The following ADSS2 variants were observed in gnomAD, a reference collection of about 807,000 sequenced individuals.
ADSS2 encodes adenylosuccinate synthase 2.
ADSS2 carries 30 observed loss-of-function variants against 60.0 expected under a neutral mutation model. The ratio of observed to expected loss-of-function variants is 0.50; its 90% CI spans 0.37 to 0.68. The LOEUF is 0.68. ADSS2 is among the 30% of genes least tolerant of loss of function. The pLI, the probability that ADSS2 is intolerant of heterozygous loss-of-function variation, is 0.00. For missense variants in ADSS2, 373 were observed against 554.8 expected (o/e 0.67, Z 3.29); for synonymous variants, 187 against 193.1 (o/e 0.97, Z 0.26).
chr1:244,448,615 G>A (rs769509597), intron 1 of ADSS2, among the ~76,000 whole-genome samples: 1 of 152,118 alleles, frequency 6.6e-6, no homozygotes, highest in Non-Finnish European at 1.5e-5. Context: ...TTAAAGCCTG[G>A]TATAAACTAC....
intron 12 of ADSS2, among the ~76,000 whole-genome samples, 170 bp from the exon 13 acceptor site, chr1:244,409,808 A>T (rs1422324856): frequency 2.6e-5 from 4 of 152,064 alleles, no homozygotes; most frequent in Non-Finnish European, 4.4e-5. Context: ...TCTAAACAGG[A>T]TGTACAAATA....
chr1:244,445,276 TTAC>T (rs1430856322), intron 1 of ADSS2, among the ~76,000 whole-genome samples: 1 of 152,178 alleles, frequency 6.6e-6, no homozygotes, highest in Non-Finnish European at 1.5e-5. Context: ...CAAAAAAAAC[TTAC>T]TACAACATAA....
Position 244,408,502 on chromosome 1 carries a change from A to C in ADSS2, c.*1084T>G, listed in dbSNP as rs1664334298. 6.6e-6 allele frequency: 1 copy of C among 152,644 alleles called. No homozygotes were observed. The highest frequency in any genetic ancestry group is 2.4e-5 in the African/African-American group (1 of 41,460). 9.5% of individuals were successfully genotyped at this position (152,644 alleles called of 1,614,324 possible). On this transcript the variant is annotated 3_prime_UTR_variant, in exon 13 of 13. Coordinates refer to ENST00000366535, the MANE Select transcript of ADSS2 (RefSeq NM_001126.5). ...ACACAATACGCAAAGCATACTAGAAATATTTGGTTCTTTTAATCAGCTATT... is the reference window on the plus strand; with the variant it reads ...ACACAATACGCAAAGCATACTAGAACTATTTGGTTCTTTTAATCAGCTATT...
chr1:244,420,139 C>T (rs765388497), intron 8 of ADSS2, 31 bp downstream of exon 8: 10 of 1,594,676 alleles, frequency 6.3e-6, no homozygotes, highest in South Asian at 1.1e-5. Flanking sequence ...CTCAGTTAAG[C>T]TCCCTTAACT....
At chr1:244,418,705 A>G in intron 9 of ADSS2, 55 bp downstream of exon 9, 1 of 1,480,856 alleles carries the variant, frequency 6.8e-7, no homozygotes, top group Non-Finnish European at 9.0e-7. Context: ...CATTAAGAAA[A>G]AAAAGAAGAA....
At chr1:244,420,425 G>C in intron 7 of ADSS2, 129 bp from the exon 8 acceptor site, 1 of 726,798 alleles carries the variant, frequency 1.4e-6, no homozygotes, top group Non-Finnish European at 2.1e-6. Context: ...GGCTGGTGAC[G>C]GTGCTCACTC....
rs1665135667 is a variant in ADSS2 at position 244,437,544 on chromosome 1, T to C, written c.286+122A>G. 4.1e-6 allele frequency: 3 copies of C among 726,628 alleles called. No individual in the cohort carries two copies. In the South Asian group the frequency reaches 5.4e-5, roughly 13 times the overall value. The allele number at this position is 726,628 out of a possible 1,614,324, so 45.0% of individuals were successfully genotyped here. ...ATTCCAGAAGGTATCAAGGTCAAAA[T>C]TAATAAGAGATCAATGAACCATCTG... On this transcript the variant is annotated intron_variant, in intron 2 of 12. Transcript: ENST00000366535.
At chr1:244,417,789 G>C (rs1158046251) in intron 9 of ADSS2, 37 bp from the exon 10 acceptor site, 3 of 1,595,790 alleles carry the variant, frequency 1.9e-6, no homozygotes, top group East Asian at 4.5e-5. Context: ...GATTAGAATA[G>C]CAGTGCTATA....
intron 1 of ADSS2, among the ~76,000 whole-genome samples, chr1:244,447,490 A>C (rs1383085681): frequency 6.6e-6 from 1 of 152,202 alleles, no homozygotes; most frequent in Non-Finnish European, 1.5e-5. Flanking sequence ...TACTAACTGC[A>C]ATAGGACATC....
chr1:244,411,739 T>G (rs963383601), intron 11 of ADSS2, among the ~76,000 whole-genome samples: 1 of 152,248 alleles, frequency 6.6e-6, no homozygotes, highest in East Asian at 1.9e-4. Context: ...GTGCCAAACT[T>G]AAAACTTTCC....
chr1:244,428,382 A>G (rs1002881638), intron 4 of ADSS2, among the ~76,000 whole-genome samples: 1 of 152,312 alleles, frequency 6.6e-6, no homozygotes, highest in East Asian at 1.9e-4. Flanking sequence ...GTTATTTTGA[A>G]CTGAATGGAA....
At chr1:244,412,704 A>G (rs1664441672) in intron 11 of ADSS2, among the ~76,000 whole-genome samples, 1 of 152,236 alleles carries the variant, frequency 6.6e-6, no homozygotes, top group East Asian at 1.9e-4. Context: ...GAAAAAGCTG[A>G]ATTCTGCAAT....
Position 244,451,170 on chromosome 1 carries a change from C to G in ADSS2, c.183+465G>C, listed in dbSNP as rs1665569704. On this transcript the variant is annotated intron_variant, in intron 1 of 12. Transcript: ENST00000366535. The surrounding 1 kb of genome is among the most constrained non-coding windows in gnomAD (Gnocchi z 6.6). ...TCAGGACGTTTCGAAACAATCCACT[C>G]CCACTCCGCCGCCCTGGGCGGGGCG... Among the ~76,000 whole-genome samples, 1 of 152,144 alleles carries G rather than the reference C, an allele frequency of 6.6e-6. No individual in the cohort carries two copies. Among genetic ancestry groups the G allele is most frequent in the Non-Finnish European group, 1.5e-5 (1 of 68,018 alleles).
At chr1:244,435,219 A>G (rs1468809942) in intron 3 of ADSS2, among the ~76,000 whole-genome samples, 3 of 149,454 alleles carry the variant, frequency 2.0e-5, no homozygotes. Flanking sequence ...ATACTATAAC[A>G]GTAATTGAGT....
intron 3 of ADSS2, among the ~76,000 whole-genome samples, chr1:244,433,859 TAAA>T (rs35132231): frequency 6.3e-5 from 6 of 94,952 alleles, no homozygotes; most frequent in Admixed American, 1.4e-4. Flanking sequence ...ACTCCATCTT[TAAA>T]AAAAAAAAAA....
intron 4 of ADSS2, among the ~76,000 whole-genome samples, chr1:244,427,949 T>C (rs539283858): frequency 3.1e-4 from 47 of 152,278 alleles, no homozygotes; most frequent in Admixed American, 1.3e-3. Context: ...AACATACATG[T>C]ACCTAACAGA....
At chr1:244,419,322 A>G (rs1045573234) in intron 8 of ADSS2, 1 of 153,760 alleles carries the variant, frequency 6.5e-6, no homozygotes, top group African/African-American at 2.4e-5. Context: ...ACGGCAACAC[A>G]AGAATTTTGT....
At chr1:244,423,820 T>C (rs1298895042) in intron 6 of ADSS2, 133 bp downstream of exon 6, 3 of 604,362 alleles carry the variant, frequency 5.0e-6, no homozygotes, top group African/African-American at 1.9e-5. Flanking sequence ...AAAATAACTT[T>C]AATATTTCAA....
At chr1:244,419,552 T>C (rs558842426) in intron 8 of ADSS2, among the ~76,000 whole-genome samples, 21 of 152,322 alleles carry the variant, frequency 1.4e-4, no homozygotes, top group African/African-American at 5.1e-4. Flanking sequence ...CTTTCTTTAA[T>C]AGTTTACTTG....
Sources: gnomAD v4.1 joint callset for allele counts (sites outside exome capture counted in the v4.1 genomes callset) on GRCh38, gnomAD v4.1.1 for gene constraint, Gnocchi (gnomAD v3.1) non-coding constraint, MANE v1.5 for transcripts, NCBI Gene and HGNC (gene_info 2026-07-23, HGNC 2026-07-21) for gene names.